Variants in CHST11 observed in about 807,000 individuals in gnomAD.
The protein encoded by CHST11 is carbohydrate sulfotransferase 11.
Under a neutral mutation model 30.4 loss-of-function variants are expected in CHST11, and 9 were observed. The ratio of observed to expected loss-of-function variants is 0.30; its 90% CI spans 0.18 to 0.52. CHST11 has a LOEUF of 0.52. CHST11 is among the 20% of genes least tolerant of loss of function. CHST11 has a pLI of 0.97. For synonymous variants in CHST11, 152 were observed against 187.8 expected (o/e 0.81, Z 1.56); for missense variants, 348 against 460.6 (o/e 0.76, Z 2.24).
intron 2 of CHST11, among the ~76,000 whole-genome samples, chr12:104,620,672 CGTCAT>C (rs1484166602): frequency 6.6e-6 from 1 of 152,068 alleles, no homozygotes; most frequent in Non-Finnish European, 1.5e-5. Context: ...CAGAGTAAAG[CGTCAT>C]TTTTCTTGAG....
intron 1 of CHST11, among the ~76,000 whole-genome samples, chr12:104,484,354 C>A (rs373789197): frequency 6.6e-6 from 1 of 152,098 alleles, no homozygotes; most frequent in Non-Finnish European, 1.5e-5. Flanking sequence ...CATTAAGAAC[C>A]CCAGTTAACC....
At chr12:104,492,512 AC>A (rs748743271) in intron 1 of CHST11, among the ~76,000 whole-genome samples, 2 of 152,186 alleles carry the variant, frequency 1.3e-5, no homozygotes. Flanking sequence ...TCTGGCACAT[AC>A]CCCAGTGCCT....
At chr12:104,624,487 A>G (rs1449305069) in intron 2 of CHST11, among the ~76,000 whole-genome samples, 1 of 151,416 alleles carries the variant, frequency 6.6e-6, no homozygotes, top group African/African-American at 2.4e-5. Flanking sequence ...ATGTTTGTTG[A>G]ATGAATGAAT....
chr12:104,587,791 T>G (rs973058117), intron 1 of CHST11, among the ~76,000 whole-genome samples: 1 of 121,204 alleles, frequency 8.3e-6, no homozygotes, highest in Non-Finnish European at 1.8e-5. Flanking sequence ...ATTTATTTAT[T>G]TATTGTTTCA....
At chr12:104,457,954 T>C (rs2037370686) in intron 1 of CHST11, among the ~76,000 whole-genome samples, 1 of 151,488 alleles carries the variant, frequency 6.6e-6, no homozygotes, top group East Asian at 2.0e-4. Flanking sequence ...GATGAAAGAG[T>C]TACCCGGAGC....
chr12:104,737,824 G>A (rs2040313731), intron 2 of CHST11, among the ~76,000 whole-genome samples: 1 of 152,112 alleles, frequency 6.6e-6, no homozygotes, highest in Non-Finnish European at 1.5e-5. Flanking sequence ...ATGGGGAGGT[G>A]AAAGATGAGC....
chr12:104,667,274 C>A (rs1218156203), intron 2 of CHST11, among the ~76,000 whole-genome samples: 1 of 152,120 alleles, frequency 6.6e-6, no homozygotes, highest in Non-Finnish European at 1.5e-5. Flanking sequence ...CGGAGACCTA[C>A]AGGTGTCCTT....
intron 2 of CHST11, among the ~76,000 whole-genome samples, chr12:104,693,779 G>A (rs945263317): frequency 2.6e-5 from 4 of 152,182 alleles, no homozygotes; most frequent in Non-Finnish European, 5.9e-5. Context: ...ACATAGTGGT[G>A]AGAGCTGAGA....
intron 1 of CHST11, among the ~76,000 whole-genome samples, chr12:104,590,216 A>G (rs1162115758): frequency 6.6e-6 from 1 of 152,080 alleles, no homozygotes; most frequent in Non-Finnish European, 1.5e-5. Context: ...CCTCATGTCT[A>G]GCTGATCCAG....
At chr12:104,567,050 C>T (rs1020920126) in intron 1 of CHST11, among the ~76,000 whole-genome samples, 1 of 152,092 alleles carries the variant, frequency 6.6e-6, no homozygotes, top group Admixed American at 6.6e-5. Context: ...GAACACCTCC[C>T]GCCCAATACA....
At chr12:104,625,093 G>A (rs1468981192) in intron 2 of CHST11, among the ~76,000 whole-genome samples, 1 of 152,222 alleles carries the variant, frequency 6.6e-6, no homozygotes, top group African/African-American at 2.4e-5. Flanking sequence ...AACACCAGGT[G>A]AAGAATCAGA....
At chr12:104,579,157 T>C (rs144831174) in intron 1 of CHST11, among the ~76,000 whole-genome samples, 2 of 152,352 alleles carry the variant, frequency 1.3e-5, no homozygotes, top group African/African-American at 4.8e-5. Flanking sequence ...CTCTTTAAGC[T>C]TGGCGAGGGT....
intron 2 of CHST11, among the ~76,000 whole-genome samples, chr12:104,706,182 G>C (rs1272690814): frequency 6.6e-6 from 1 of 151,898 alleles, no homozygotes; most frequent in Non-Finnish European, 1.5e-5. Context: ...TCAGGAGCTC[G>C]AGACCAGCCT....
intron 1 of CHST11, among the ~76,000 whole-genome samples, chr12:104,513,126 G>GGGA (rs1555229101): frequency 5.5e-5 from 3 of 54,820 alleles, no homozygotes; most frequent in African/African-American, 2.1e-4. Context: ...TCATGACTGG[G>GGGA]GGGGGGGGGG....
chr12:104,717,592 T>C (rs1645294167), intron 2 of CHST11, among the ~76,000 whole-genome samples: 1 of 151,970 alleles, frequency 6.6e-6, no homozygotes, highest in Non-Finnish European at 1.5e-5. Context: ...GCAAATATAG[T>C]GAAACCCCGT....
chr12:104,624,002 A>G (rs2136062624), intron 2 of CHST11, among the ~76,000 whole-genome samples: 1 of 152,316 alleles, frequency 6.6e-6, no homozygotes, highest in East Asian at 1.9e-4. Flanking sequence ...TGAGAAACAC[A>G]GCACTCGTTC....
chr12:104,566,847 A>G (rs1372965490), intron 1 of CHST11, among the ~76,000 whole-genome samples: 1 of 151,960 alleles, frequency 6.6e-6, no homozygotes, highest in Non-Finnish European at 1.5e-5. Flanking sequence ...CCTGAATGGA[A>G]CCTTAGAATC....
chr12:104,513,192 A>C (rs2135982794), intron 1 of CHST11, among the ~76,000 whole-genome samples: 1 of 141,996 alleles, frequency 7.0e-6, no homozygotes, highest in African/African-American at 2.7e-5. Context: ...TCCTTGACTT[A>C]GTGTTTGAAA....
intron 2 of CHST11, among the ~76,000 whole-genome samples, chr12:104,691,436 C>T (rs1422287269): frequency 6.6e-6 from 1 of 150,416 alleles, no homozygotes; most frequent in African/African-American, 2.5e-5. Context: ...GGTGATGTGT[C>T]TATTTTAAAG....
Sources: allele counts gnomAD v4.1 joint callset (sites outside exome capture counted in the v4.1 genomes callset), GRCh38; gene constraint gnomAD v4.1.1; transcripts MANE v1.5; gene names NCBI Gene and HGNC (gene_info 2026-07-23, HGNC 2026-07-21).